GLI3: variants seen among roughly 807,000 people sequenced by gnomAD.
The protein encoded by GLI3 is GLI family zinc finger 3, also known as transcription activator GLI3.
Under a neutral mutation model 100.8 loss-of-function variants are expected in GLI3, and 20 were observed. The ratio of observed to expected loss-of-function variants is 0.20; its 90% CI spans 0.14 to 0.29. The LOEUF (loss-of-function observed/expected upper bound fraction) is 0.29, where lower values mean the gene tolerates loss of function less well. GLI3 is among the 10% of genes least tolerant of loss of function. GLI3 has a pLI of 1.00. For synonymous variants in GLI3, 938 were observed against 860.5 expected (o/e 1.09, Z -1.58); for missense variants, 2,040 against 2,128.5 (o/e 0.96, Z 0.82).
intron 10 of GLI3, among the ~76,000 whole-genome samples, chr7:41,980,498 A>G (rs1016303863): frequency 6.6e-6 from 1 of 152,214 alleles, no homozygotes; most frequent in East Asian, 1.9e-4. Context: ...AAATGATCAT[A>G]CAAAAACACT....
intron 2 of GLI3, among the ~76,000 whole-genome samples, chr7:42,218,911 C>T (rs540274233): frequency 2.0e-3 from 302 of 151,916 alleles, no homozygotes; most frequent in Non-Finnish European, 3.1e-3. Context: ...AAATCATGGG[C>T]CAAAAATGAG....
chr7:42,235,215 G>A (rs1037241388), intron 1 of GLI3, among the ~76,000 whole-genome samples: 3 of 152,080 alleles, frequency 2.0e-5, no homozygotes, highest in Non-Finnish European at 4.4e-5. Context: ...AAACCTAAAT[G>A]AAATAATTAC....
chr7:41,964,968 C>T lies in GLI3; in HGVS notation c.4105G>A (p.Gly1369Ser), dbSNP rs1446295282. ...GPESCLPGAH[G>S]MGSQPSSLAV... is the part of the protein sequence containing the mutation. ...AAGCTTGACGGCTGGCTGCCCATGC[C>T]GTGAGCCCCTGGCAGGCAGCTCTCT... The change falls in exon 15 of 15, where the codon GGC becomes AGC. Residue 1369 changes from glycine to serine, a missense_variant. Physicochemically the swap from Gly to Ser is moderately conservative, Grantham distance 56. Transcript: ENST00000395925. 14 of 1,613,680 alleles carry T rather than the reference C, an allele frequency of 8.7e-6. No individual in the cohort carries two copies. In the Middle Eastern group the frequency reaches 8.2e-4, roughly 95 times the overall value.
At position 41,977,471 on chromosome 7, in the gene GLI3, C is replaced by G. The variant is rs908575398; in HGVS notation, c.1812+87G>C. Reference sequence around the variant, plus strand: ...GGGAATGGCCAAGGGGAAAACAAAACAGAACACACTGCGCCTTCCCATGTG... The same window carrying G: ...GGGAATGGCCAAGGGGAAAACAAAAGAGAACACACTGCGCCTTCCCATGTG... On this transcript the variant is annotated intron_variant, in intron 12 of 14. Coordinates refer to ENST00000395925, the MANE Select transcript of GLI3 (RefSeq NM_000168.6). 2.9e-5 allele frequency: 40 copies of G among 1,398,780 alleles called. No homozygotes were observed. In the South Asian group the frequency reaches 4.7e-4, roughly 16 times the overall value. The allele number at this position is 1,398,780 out of a possible 1,614,324, so 86.6% of individuals were successfully genotyped here.
intron 3 of GLI3, among the ~76,000 whole-genome samples, chr7:42,116,845 T>C (rs1227731419): frequency 1.6e-5 from 2 of 125,598 alleles, no homozygotes; most frequent in Non-Finnish European, 3.1e-5. Flanking sequence ...AGACCTCTTA[T>C]TATGGTCTCA....
upstream of GLI3, chr7:42,237,753 T>G (rs904526234): frequency 6.6e-6 from 1 of 151,914 alleles, no homozygotes; most frequent in Non-Finnish European, 1.5e-5. Context: ...GGGGGCGAAG[T>G]TGGGAAAACT....
intron 10 of GLI3, among the ~76,000 whole-genome samples, chr7:41,999,033 T>C (rs747439280): frequency 3.3e-5 from 5 of 152,182 alleles, no homozygotes; most frequent in Non-Finnish European, 7.3e-5. Flanking sequence ...CTTGAGAAGT[T>C]GGAAGTTTGC....
At chr7:42,044,712 C>T (rs1022491689) in intron 6 of GLI3, among the ~76,000 whole-genome samples, 1 of 152,004 alleles carries the variant, frequency 6.6e-6, no homozygotes, top group African/African-American at 2.4e-5. Flanking sequence ...GTAAAGAAAA[C>T]ATATGGGGCA....
intron 1 of GLI3, among the ~76,000 whole-genome samples, chr7:42,231,388 A>C (rs1421937143): frequency 1.3e-5 from 2 of 152,206 alleles, no homozygotes; most frequent in Non-Finnish European, 2.9e-5. Context: ...TATCCAGTAA[A>C]AATTACCCCA....
chr7:42,097,419 C>G (rs1785363670), intron 3 of GLI3, among the ~76,000 whole-genome samples: 1 of 152,158 alleles, frequency 6.6e-6, no homozygotes, highest in Non-Finnish European at 1.5e-5. Context: ...CGGTCTCAGC[C>G]TCACAGGCCC....
chr7:42,260,987 C>T (rs557207262), intron 1 of GLI3, among the ~76,000 whole-genome samples: 4 of 152,206 alleles, frequency 2.6e-5, no homozygotes, highest in African/African-American at 9.6e-5. Flanking sequence ...CTGTGTTAGT[C>T]CATTCTTGCA....
intron 1 of GLI3, among the ~76,000 whole-genome samples, chr7:42,255,718 G>A (rs1789079112): frequency 6.6e-6 from 1 of 152,124 alleles, no homozygotes; most frequent in Non-Finnish European, 1.5e-5. Context: ...TCAATTGATA[G>A]GCATTTGGCT....
intron 3 of GLI3, among the ~76,000 whole-genome samples, chr7:42,116,413 G>GTGAATAAAC (rs1688989053): frequency 6.6e-6 from 1 of 150,960 alleles, no homozygotes; most frequent in South Asian, 2.1e-4. Context: ...TTGAAACTGG[G>GTGAATAAAC]TGAATAAACT....
At chr7:42,189,034 T>C (rs1698802178) in intron 2 of GLI3, among the ~76,000 whole-genome samples, 1 of 152,140 alleles carries the variant, frequency 6.6e-6, no homozygotes, top group South Asian at 2.1e-4. Flanking sequence ...TCACCAGTTG[T>C]AACCAATGTA....
At chr7:42,053,032 T>C (rs1784383479) in intron 4 of GLI3, among the ~76,000 whole-genome samples, 1 of 152,230 alleles carries the variant, frequency 6.6e-6, no homozygotes, top group Non-Finnish European at 1.5e-5. Flanking sequence ...TTCACTCTTG[T>C]TGCCCGGGCT....
chr7:42,214,643 G>C (rs945486604), intron 2 of GLI3, among the ~76,000 whole-genome samples: 7 of 150,306 alleles, frequency 4.7e-5, no homozygotes, highest in Non-Finnish European at 7.4e-5. Context: ...GGGGAAAGAT[G>C]CTTCAAAAAA....
At position 42,148,320 on chromosome 7, in the gene GLI3, A is replaced by G; in HGVS notation, c.273T>C (p.His91=). 6.2e-7 allele frequency: 1 copy of G among 1,613,630 alleles called. No homozygotes were observed. Among genetic ancestry groups the G allele is most frequent in the Non-Finnish European group, 8.5e-7 (1 of 1,179,782 alleles). Residue 91 remains histidine (H), a synonymous_variant, in exon 3 of 15, where the codon CAT becomes CAC. Coordinates refer to ENST00000395925, the MANE Select transcript of GLI3 (RefSeq NM_000168.6). ...ERASLIKKEI[H]GSLPHVAEPS... ...GCTCCGCCACGTGTGGCAGGGACCC[A>G]TGGATCTCTTTCTTGATCAATGAGG...
chr7:41,980,863 C>T (rs1787646339), intron 10 of GLI3, among the ~76,000 whole-genome samples: 1 of 152,068 alleles, frequency 6.6e-6, no homozygotes, highest in Non-Finnish European at 1.5e-5. Flanking sequence ...GATTCTTGCC[C>T]CAAGGAATTA....
chr7:42,080,142 CT>C (rs1400836074), intron 3 of GLI3, among the ~76,000 whole-genome samples: 1 of 152,200 alleles, frequency 6.6e-6, no homozygotes, highest in Non-Finnish European at 1.5e-5. Context: ...CTCTCTCACC[CT>C]CTCTCCCTCT....
Sources: gnomAD v4.1 joint callset for allele counts (sites outside exome capture counted in the v4.1 genomes callset) on GRCh38, gnomAD v4.1.1 for gene constraint, MANE v1.5 for transcripts, NCBI Gene and HGNC (gene_info 2026-07-23, HGNC 2026-07-21) for gene names.